Variants in DLGAP1 observed in about 807,000 individuals in gnomAD.
The protein encoded by DLGAP1 is DLG associated protein 1.
A neutral mutation model predicts 90.8 loss-of-function variants in DLGAP1; 11 were observed. That is an observed-to-expected ratio of 0.12 (90% confidence interval 0.08 to 0.20). DLGAP1 has a LOEUF of 0.20. DLGAP1 is among the 10% of genes least tolerant of loss of function. DLGAP1 has a pLI of 1.00. For missense variants in DLGAP1, 1,050 were observed against 1,333.8 expected (o/e 0.79, Z 3.31); for synonymous variants, 558 against 540.7 (o/e 1.03, Z -0.44).
In DLGAP1 at chr18:4,444,092, A is replaced by G. The variant is rs549392950; in HGVS notation, c.-267+10914T>C. On this transcript the variant is annotated intron_variant, in intron 1 of 12. Transcript: ENST00000315677. ...AGAAGATAAGCCCCAGATGGCAGAG[A>G]AGGTGAATGCAATTGGAAGACAGGT... 1.2e-4 allele frequency among the ~76,000 whole-genome samples: 19 copies of G among 152,226 alleles called. No individual in the cohort carries two copies. The East Asian group carries it at 3.7e-3, about 29-fold the overall frequency.
At chr18:4,301,964 T>C (rs1219433845) in intron 1 of DLGAP1, among the ~76,000 whole-genome samples, 1 of 152,204 alleles carries the variant, frequency 6.6e-6, no homozygotes, top group Non-Finnish European at 1.5e-5. Flanking sequence ...TTCAGGTCCC[T>C]TGCCTACTTT....
chr18:3,573,022 T>C (rs1456678429), intron 8 of DLGAP1, among the ~76,000 whole-genome samples: 1 of 152,184 alleles, frequency 6.6e-6, no homozygotes, highest in Non-Finnish European at 1.5e-5. Context: ...CCAATCATCA[T>C]GCTGATGAAT....
chr18:3,579,742 C>T (rs2055378742), intron 8 of DLGAP1, among the ~76,000 whole-genome samples: 1 of 152,142 alleles, frequency 6.6e-6, no homozygotes, highest in Non-Finnish European at 1.5e-5. Context: ...CTTTGAAAAG[C>T]AGAAAAACAG....
intron 3 of DLGAP1, among the ~76,000 whole-genome samples, chr18:3,919,882 A>G (rs2072227905): frequency 6.6e-6 from 1 of 152,344 alleles, no homozygotes. Context: ...AGGGACAAAG[A>G]TAAGAAAGAG....
intron 3 of DLGAP1, among the ~76,000 whole-genome samples, chr18:3,891,388 T>G (rs920955255): frequency 6.6e-6 from 1 of 152,182 alleles, no homozygotes; most frequent in Non-Finnish European, 1.5e-5. Flanking sequence ...ACACAGAGGC[T>G]GCTGAGTGTC....
In DLGAP1 at chr18:3,933,293, T is replaced by G. The variant is rs116448440; in HGVS notation, c.-72-53153A>C. ...TTATAGTGCGGTGGGAAAATGGATG[T>G]GAATAAAATGATCAGCAAATACATG... is the stretch of plus-strand genomic sequence containing the variant. On this transcript the variant is annotated intron_variant, in intron 3 of 12. Coordinates refer to ENST00000315677, the MANE Select transcript of DLGAP1 (RefSeq NM_004746.4). Among the ~76,000 whole-genome samples the G allele has an allele frequency of 5.3e-3, 813 of 152,272 alleles. 6 individuals carry two copies. The highest frequency in any genetic ancestry group is 0.018 in the African/African-American group (748 of 41,544).
At position 3,886,096 on chromosome 18, in the gene DLGAP1, C is replaced by T. The variant is rs182771263; in HGVS notation, c.-72-5956G>A. On this transcript the variant is annotated intron_variant, in intron 3 of 12. Coordinates refer to ENST00000315677, the MANE Select transcript of DLGAP1 (RefSeq NM_004746.4). ...CTTTACATGCAGAAATAAGAGCATA[C>T]TGAAGGCCCTCCTCTGTCTTACCCC... 8.1e-4 allele frequency among the ~76,000 whole-genome samples: 124 copies of T among 152,270 alleles called. 1 individual carries two copies. The highest frequency in any genetic ancestry group is 1.4e-3 in the Non-Finnish European group (97 of 68,026).
intron 1 of DLGAP1, among the ~76,000 whole-genome samples, chr18:4,174,768 AC>A (rs1333615023): frequency 6.6e-6 from 1 of 151,660 alleles, no homozygotes; most frequent in Non-Finnish European, 1.5e-5. Context: ...CTCACCTGCC[AC>A]CCCCCAACTG....
intron 3 of DLGAP1, among the ~76,000 whole-genome samples, chr18:3,928,612 T>G (rs2072446174): frequency 6.6e-6 from 1 of 152,116 alleles, no homozygotes; most frequent in Non-Finnish European, 1.5e-5. Context: ...TGACAACACC[T>G]TAAAGTAGGT....
intron 9 of DLGAP1, among the ~76,000 whole-genome samples, chr18:3,551,665 CTTCT>C (rs374790421): frequency 1.6e-5 from 1 of 64,396 alleles, no homozygotes; most frequent in Non-Finnish European, 3.0e-5. Flanking sequence ...TGTCTCTTTC[CTTCT>C]TTCTTTTCCC....
chr18:4,305,781 G>A (rs1420618995), intron 1 of DLGAP1, among the ~76,000 whole-genome samples: 1 of 151,974 alleles, frequency 6.6e-6, no homozygotes, highest in Admixed American at 6.6e-5. Context: ...CAAAGCCTAT[G>A]TTTTAAATCA....
In DLGAP1 at chr18:4,118,601, C is replaced by T. The variant is rs964975121; in HGVS notation, c.-159+32579G>A. On this transcript the variant is annotated intron_variant, in intron 2 of 12. Transcript: ENST00000315677. ...TAAAATGGGGCTGGAAGATGAGAAA[C>T]TCTGTCAGCCCATTCCTCCCATGGT... is the stretch of plus-strand genomic sequence containing the variant. Among the ~76,000 whole-genome samples, 4 of 152,032 alleles carry T rather than the reference C, an allele frequency of 2.6e-5. No homozygotes were observed. In the East Asian group the frequency reaches 7.8e-4, roughly 30 times the overall value.
chr18:3,893,491 A>C (rs1269314243), intron 3 of DLGAP1, among the ~76,000 whole-genome samples: 1 of 151,908 alleles, frequency 6.6e-6, no homozygotes. Context: ...AGGTAGGAGA[A>C]TCGCTTGAAC....
At chr18:3,795,155 A>C (rs937901323) in intron 5 of DLGAP1, among the ~76,000 whole-genome samples, 3 of 152,214 alleles carry the variant, frequency 2.0e-5, no homozygotes, top group East Asian at 1.9e-4. Context: ...GATCACAGAG[A>C]CACCCACTGA....
intron 2 of DLGAP1, among the ~76,000 whole-genome samples, chr18:4,107,438 T>C (rs1270797887): frequency 1.3e-5 from 2 of 152,168 alleles, no homozygotes; most frequent in African/African-American, 2.4e-5. Flanking sequence ...CCTTTCCCTA[T>C]CCTGCTTCCC....
In DLGAP1 at chr18:4,105,758, C is replaced by T. The variant is rs576907299; in HGVS notation, c.-159+45422G>A. 1.2e-4 allele frequency among the ~76,000 whole-genome samples: 19 copies of T among 152,108 alleles called. 1 individual carries two copies. Among genetic ancestry groups the T allele is most frequent in the South Asian group, 1.2e-3 (6 of 4,818 alleles). On this transcript the variant is annotated intron_variant, in intron 2 of 12. Coordinates refer to ENST00000315677, the MANE Select transcript of DLGAP1 (RefSeq NM_004746.4). Reference sequence around the variant, plus strand: ...TTAAAAGTTGTAATTAGGCCGGGCGCGGTGGCTCACGCCTGTAATCCCAGC... The same window carrying T: ...TTAAAAGTTGTAATTAGGCCGGGCGTGGTGGCTCACGCCTGTAATCCCAGC...
At chr18:4,157,108 G>C (rs1044489967) in intron 1 of DLGAP1, among the ~76,000 whole-genome samples, 4 of 151,828 alleles carry the variant, frequency 2.6e-5, no homozygotes, top group Non-Finnish European at 5.9e-5. Flanking sequence ...GACATGTCTT[G>C]TCTGAGATCA....
chr18:3,958,623 A>AAC (rs1003507743), intron 3 of DLGAP1, among the ~76,000 whole-genome samples: 2 of 2,460 alleles, frequency 8.1e-4, no homozygotes, highest in African/African-American at 9.3e-4. Flanking sequence ...TCCTCTTTAC[A>AAC]AAAAAAAAAA....
At chr18:4,130,730 G>A (rs77678058) in intron 2 of DLGAP1, among the ~76,000 whole-genome samples, 1 of 152,032 alleles carries the variant, frequency 6.6e-6, no homozygotes, top group African/African-American at 2.4e-5. Flanking sequence ...CTAATGTCAG[G>A]GTCATCACAG....
Sources: gnomAD v4.1 joint callset for allele counts (sites outside exome capture counted in the v4.1 genomes callset) on GRCh38, gnomAD v4.1.1 for gene constraint, MANE v1.5 for transcripts, NCBI Gene and HGNC (gene_info 2026-07-23, HGNC 2026-07-21) for gene names.